The following SLC9A9 variants were observed in gnomAD, a reference collection of about 807,000 sequenced individuals.
SLC9A9 encodes the protein sodium/hydrogen exchanger 9.
A neutral mutation model predicts 77.8 loss-of-function variants in SLC9A9; 62 were observed. The ratio of observed to expected loss-of-function variants is 0.80; its 90% CI spans 0.65 to 0.98. The LOEUF is 0.98. SLC9A9 is among the 50% of genes least tolerant of loss of function. The probability of loss-of-function intolerance (pLI) is 0.00; values close to 1 mark genes in which losing one functional copy is unlikely to be tolerated. For missense variants in SLC9A9, 775 were observed against 774.9 expected, an observed-to-expected ratio of 1.00 and a Z score of 0.00; for synonymous variants, 320 against 283.5, an observed-to-expected ratio of 1.13 and a Z score of -1.29.
At chr3:143,572,873 A>G (rs1347762822) in intron 8 of SLC9A9, among the ~76,000 whole-genome samples, 1 of 152,230 alleles carries the variant, frequency 6.6e-6, no homozygotes, top group Non-Finnish European at 1.5e-5. Flanking sequence ...AGACCAGCCA[A>G]GGAGCAACTG....
chr3:143,796,508 T>C (rs1042526360), intron 3 of SLC9A9, among the ~76,000 whole-genome samples: 1 of 152,254 alleles, frequency 6.6e-6, no homozygotes, highest in Non-Finnish European at 1.5e-5. Context: ...TAAAACATTA[T>C]GGAAATATTT....
At chr3:143,304,914 T>C (rs534887932) in intron 14 of SLC9A9, among the ~76,000 whole-genome samples, 1 of 152,310 alleles carries the variant, frequency 6.6e-6, no homozygotes, top group East Asian at 1.9e-4. Context: ...TTCTGCAGCC[T>C]AGCTCCTCCT....
At chr3:143,628,119 T>G (rs2038361960) in intron 6 of SLC9A9, among the ~76,000 whole-genome samples, 1 of 152,214 alleles carries the variant, frequency 6.6e-6, no homozygotes, top group South Asian at 2.1e-4. Flanking sequence ...ATGCTTTTGT[T>G]TAGAATGTGA....
intron 7 of SLC9A9, among the ~76,000 whole-genome samples, chr3:143,575,467 A>G (rs973627627): frequency 1.3e-5 from 2 of 152,214 alleles, no homozygotes; most frequent in East Asian, 1.9e-4. Context: ...CTGGCATGTA[A>G]CAAGTGATAT....
intron 14 of SLC9A9, among the ~76,000 whole-genome samples, chr3:143,348,604 T>A (rs147638801): frequency 0.029 from 4,431 of 152,338 alleles, 81 homozygotes; most frequent in South Asian, 0.074. Flanking sequence ...ACTCCTTTTT[T>A]AAGAAAGTAT....
At chr3:143,616,407 C>T (rs1008957120) in intron 6 of SLC9A9, among the ~76,000 whole-genome samples, 4 of 152,072 alleles carry the variant, frequency 2.6e-5, no homozygotes, top group Admixed American at 6.6e-5. Context: ...CAAAAACACC[C>T]CCAGAAAACT....
intron 5 of SLC9A9, among the ~76,000 whole-genome samples, chr3:143,688,204 G>A (rs1016770026): frequency 6.6e-6 from 1 of 151,772 alleles, no homozygotes; most frequent in Non-Finnish European, 1.5e-5. Flanking sequence ...TCCTGCCTCG[G>A]CCTCCCAGAG....
intron 9 of SLC9A9, among the ~76,000 whole-genome samples, chr3:143,499,270 A>C (rs757405292): frequency 3.3e-5 from 5 of 152,148 alleles, no homozygotes; most frequent in African/African-American, 7.2e-5. Flanking sequence ...ACTTCTTTTT[A>C]ATATTCAAGT....
At chr3:143,578,436 G>T in intron 7 of SLC9A9, 149 bp downstream of exon 7, 1 of 1,219,000 alleles carries the variant, frequency 8.2e-7, no homozygotes, top group South Asian at 1.3e-5. Context: ...GGGTGACTGA[G>T]AACCAAGATG....
intron 12 of SLC9A9, among the ~76,000 whole-genome samples, chr3:143,419,398 A>C (rs1042940682): frequency 1.3e-5 from 2 of 152,226 alleles, no homozygotes; most frequent in African/African-American, 4.8e-5. Context: ...ATTCATGCTC[A>C]GTACCTCTAA....
intron 12 of SLC9A9, among the ~76,000 whole-genome samples, chr3:143,396,277 T>C (rs1366291934): frequency 6.6e-6 from 1 of 152,154 alleles, no homozygotes; most frequent in Non-Finnish European, 1.5e-5. Flanking sequence ...CCATAAAAAA[T>C]GATGAGTTCC....
At chr3:143,408,783 C>T (rs2034035280) in intron 12 of SLC9A9, among the ~76,000 whole-genome samples, 1 of 152,084 alleles carries the variant, frequency 6.6e-6, no homozygotes, top group Non-Finnish European at 1.5e-5. Context: ...AAAACCTCAC[C>T]TAAATTTCCA....
chr3:143,416,290 G>A (rs2034189590), intron 12 of SLC9A9, among the ~76,000 whole-genome samples: 3 of 152,112 alleles, frequency 2.0e-5, no homozygotes, highest in African/African-American at 7.2e-5. Flanking sequence ...GGGTTTGAGA[G>A]GGCTCCAAAT....
chr3:143,607,086 CA>C (rs1448432498), intron 6 of SLC9A9, among the ~76,000 whole-genome samples: 1 of 151,230 alleles, frequency 6.6e-6, no homozygotes. Context: ...ATATCAAAAA[CA>C]AAATAAATAC....
chr3:143,521,196 T>G (rs2036293420), intron 9 of SLC9A9, among the ~76,000 whole-genome samples: 1 of 152,196 alleles, frequency 6.6e-6, no homozygotes, highest in Non-Finnish European at 1.5e-5. Context: ...AATTTATGAT[T>G]TTTGTTTTTC....
At chr3:143,577,391 CT>C (rs1311655558) in intron 7 of SLC9A9, among the ~76,000 whole-genome samples, 1 of 152,134 alleles carries the variant, frequency 6.6e-6, no homozygotes, top group African/African-American at 2.4e-5. Flanking sequence ...GCCTTTGCCC[CT>C]ATTCTATCTT....
chr3:143,342,438 C>G (rs1469128779), intron 14 of SLC9A9, among the ~76,000 whole-genome samples: 1 of 152,136 alleles, frequency 6.6e-6, no homozygotes, highest in Non-Finnish European at 1.5e-5. Context: ...ACCCTTATGA[C>G]CAGCAGACCC....
chr3:143,654,331 A>T (rs1028216000), intron 5 of SLC9A9, among the ~76,000 whole-genome samples: 2 of 152,242 alleles, frequency 1.3e-5, no homozygotes, highest in African/African-American at 4.8e-5. Flanking sequence ...ATATGAATTG[A>T]CATGACAATT....
rs367564948 is a variant in SLC9A9, at chr3:143,268,980, C to T, written c.1605G>A (p.Lys535=). 6.2e-6 allele frequency: 10 copies of T among 1,602,514 alleles called. No homozygotes were observed. In the African/African-American group the frequency reaches 8.0e-5, roughly 13 times the overall value. The change falls in exon 15 of 16, where the codon AAG becomes AAA. Residue 535 remains lysine, a splice_region_variant and synonymous_variant. Coordinates refer to ENST00000316549, the MANE Select transcript of SLC9A9 (RefSeq NM_173653.4). ...AGTGGGTTAAAATTGGTTTCAGATA[C>T]CTGGGAGGCCTGTTAAGGAATACTT... ...LFRMWYSFDH[K]YLKPILTHSG... is the part of the protein sequence containing the mutation.
Sources: gnomAD v4.1 joint callset for allele counts (sites outside exome capture counted in the v4.1 genomes callset) on GRCh38, gnomAD v4.1.1 for gene constraint, MANE v1.5 for transcripts, NCBI Gene and HGNC (gene_info 2026-07-23, HGNC 2026-07-21) for gene names.